The following ARHGAP32 variants were observed in gnomAD, a reference collection of about 807,000 sequenced individuals.
ARHGAP32 encodes rho GTPase-activating protein 32.
A neutral mutation model predicts 186.5 loss-of-function variants in ARHGAP32; 51 were observed. That is an observed-to-expected ratio of 0.27 (90% CI 0.22 to 0.35). The LOEUF (loss-of-function observed/expected upper bound fraction) is 0.35, where lower values mean the gene tolerates loss of function less well. Among genes scored for constraint, ARHGAP32 ranks in the 10% least tolerant of loss-of-function variants. ARHGAP32 has a pLI of 1.00. For synonymous variants in ARHGAP32, 950 were observed against 964.3 expected, an observed-to-expected ratio of 0.99 and a Z score of 0.27; for missense variants, 2,186 against 2,623.5, an observed-to-expected ratio of 0.83 and a Z score of 3.64.
intron 11 of ARHGAP32, among the ~76,000 whole-genome samples, chr11:129,012,461 G>C (rs1938128512): frequency 6.6e-6 from 1 of 152,170 alleles, no homozygotes; most frequent in Non-Finnish European, 1.5e-5. Flanking sequence ...TCTGGTCTCA[G>C]ATCTTGGGTG....
At chr11:129,220,148 C>G (rs1046431788) in intron 1 of ARHGAP32, among the ~76,000 whole-genome samples, 5 of 152,122 alleles carry the variant, frequency 3.3e-5, no homozygotes, top group African/African-American at 1.2e-4. Context: ...GAAACATTCT[C>G]CAGAATGGAT....
chr11:129,108,975 C>T (rs1462883133), intron 5 of ARHGAP32, among the ~76,000 whole-genome samples: 2 of 152,072 alleles, frequency 1.3e-5, no homozygotes, highest in Non-Finnish European at 2.9e-5. Context: ...TGGTTGTTAA[C>T]TATAGTCATC....
intron 1 of ARHGAP32, among the ~76,000 whole-genome samples, chr11:129,230,952 T>C (rs1255310174): frequency 6.6e-6 from 1 of 152,040 alleles, no homozygotes; most frequent in African/African-American, 2.4e-5. Context: ...CTGGCCAACA[T>C]GGTGAAACCC....
At chr11:129,257,086 T>C (rs188490079) in intron 1 of ARHGAP32, among the ~76,000 whole-genome samples, 46 of 152,242 alleles carry the variant, frequency 3.0e-4, no homozygotes, top group East Asian at 1.7e-3. Flanking sequence ...AGCTAAGACA[T>C]TGATAGTTTT....
intron 6 of ARHGAP32, among the ~76,000 whole-genome samples, chr11:129,072,692 G>A (rs754732616): frequency 9.2e-5 from 14 of 152,064 alleles, no homozygotes; most frequent in East Asian, 1.9e-4. Flanking sequence ...AGAGGCTCAG[G>A]GATGACAAGT....
At chr11:129,013,536 T>C (rs1270791049) in intron 11 of ARHGAP32, among the ~76,000 whole-genome samples, 1 of 152,182 alleles carries the variant, frequency 6.6e-6, no homozygotes, top group African/African-American at 2.4e-5. Context: ...TTAATTGGAC[T>C]CCTCTTCATT....
chr11:129,035,173 C>CCTCT (rs71057921), intron 11 of ARHGAP32, among the ~76,000 whole-genome samples: 251 of 148,616 alleles, frequency 1.7e-3, no homozygotes, highest in African/African-American at 4.2e-3. Flanking sequence ...TGTTTCCTCT[C>CCTCT]CTCTCTCTCT....
At chr11:129,040,824 A>G (rs1002701115) in intron 11 of ARHGAP32, 104 bp downstream of exon 11, 5 of 731,292 alleles carry the variant, frequency 6.8e-6, no homozygotes, top group Non-Finnish European at 1.1e-5. Flanking sequence ...TATTATGCCT[A>G]TAAATGCAAA....
chr11:129,242,901 A>G (rs1945038264), intron 1 of ARHGAP32, among the ~76,000 whole-genome samples: 1 of 152,022 alleles, frequency 6.6e-6, no homozygotes, highest in Admixed American at 6.6e-5. Flanking sequence ...TTCAGCTCCC[A>G]AACCACCTCT....
chr11:129,264,891 C>A (rs1945374134), intron 1 of ARHGAP32, among the ~76,000 whole-genome samples: 1 of 152,192 alleles, frequency 6.6e-6, no homozygotes, highest in African/African-American at 2.4e-5. Flanking sequence ...CAAATCTGTG[C>A]TCTAATCAAT....
At chr11:129,009,704 T>G (rs984500190) in intron 11 of ARHGAP32, among the ~76,000 whole-genome samples, 1 of 152,362 alleles carries the variant, frequency 6.6e-6, no homozygotes, top group Middle Eastern at 3.4e-3. Context: ...CCATGATGTA[T>G]ATGTATCCCT....
At chr11:129,075,547 C>A (rs930125311) in intron 6 of ARHGAP32, among the ~76,000 whole-genome samples, 1 of 151,932 alleles carries the variant, frequency 6.6e-6, no homozygotes, top group Admixed American at 6.6e-5. Context: ...TTATTTAACA[C>A]CCTCTATAAG....
chr11:129,155,980 A>C (rs1291299181), intron 2 of ARHGAP32, among the ~76,000 whole-genome samples: 3 of 152,036 alleles, frequency 2.0e-5, no homozygotes. Flanking sequence ...GGGTCAGGGA[A>C]CTCCCTCTCC....
chr11:129,140,319 T>C (rs991307052), intron 2 of ARHGAP32, among the ~76,000 whole-genome samples: 2 of 152,156 alleles, frequency 1.3e-5, no homozygotes, highest in Non-Finnish European at 2.9e-5. Context: ...GCCAATACTT[T>C]GATTTCCGCT....
intron 1 of ARHGAP32, among the ~76,000 whole-genome samples, chr11:129,203,930 T>C (rs1944486703): frequency 6.8e-6 from 1 of 147,840 alleles, no homozygotes; most frequent in African/African-American, 2.5e-5. Context: ...ATTGCATACA[T>C]AATTATATAT....
intron 2 of ARHGAP32, among the ~76,000 whole-genome samples, chr11:129,138,472 T>C (rs1454291600): frequency 6.6e-6 from 1 of 152,106 alleles, no homozygotes; most frequent in Admixed American, 6.5e-5. Context: ...TAGCAATGTT[T>C]TATTCTGTCT....
At chr11:129,235,627 A>G (rs1944919159) in intron 1 of ARHGAP32, among the ~76,000 whole-genome samples, 1 of 152,002 alleles carries the variant, frequency 6.6e-6, no homozygotes, top group Non-Finnish European at 1.5e-5. Flanking sequence ...TTCAGTGGTG[A>G]TTTCTGAGAC....
rs1443422063 is a variant in ARHGAP32, at chr11:129,206,288, T to C, written c.-4-41861A>G. 2.0e-5 allele frequency among the ~76,000 whole-genome samples: 3 copies of C among 152,248 alleles called. No homozygotes were observed. In the East Asian group the frequency reaches 5.8e-4, roughly 29 times the overall value. On this transcript the variant is annotated intron_variant, in intron 1 of 6. Coordinates refer to the ARHGAP32 transcript ENST00000525234. ...GTGCAGCAACACGGTCATAACTCAC[T>C]GCAGCATCAACCTCGTGGGCTTAAG... is the stretch of plus-strand genomic sequence containing the variant.
intron 21 of ARHGAP32, 130 bp from the exon 22 acceptor site, chr11:128,973,562 A>G (rs1048957285): frequency 3.1e-6 from 3 of 955,620 alleles, no homozygotes; most frequent in African/African-American, 3.3e-5. Context: ...GCAATCCATG[A>G]TCTTCTATCC....
Sources: gnomAD v4.1 joint callset for allele counts (sites outside exome capture counted in the v4.1 genomes callset) on GRCh38, gnomAD v4.1.1 for gene constraint, MANE v1.5 for transcripts, NCBI Gene and HGNC (gene_info 2026-07-23, HGNC 2026-07-21) for gene names.